TRIM56: variants seen among roughly 807,000 people sequenced by gnomAD.
The protein encoded by TRIM56 is E3 ubiquitin-protein ligase TRIM56.
A neutral mutation model predicts 17.1 loss-of-function variants in TRIM56; 10 were observed. The observed-to-expected ratio is 0.58, with a 90% confidence interval of 0.36 to 0.99. The LOEUF (loss-of-function observed/expected upper bound fraction) is 0.99, where lower values mean the gene tolerates loss of function less well. Among genes scored for constraint, TRIM56 ranks in the 50% least tolerant of loss-of-function variants. TRIM56 has a pLI of 0.01. For missense variants in TRIM56, 923 were observed against 1,052.3 expected, an observed-to-expected ratio of 0.88 and a Z score of 1.70; for synonymous variants, 503 against 473.5, an observed-to-expected ratio of 1.06 and a Z score of -0.81.
At position 101,091,780 on chromosome 7, in the gene TRIM56, C is replaced by A; in HGVS notation, c.*2200C>A. ...AACCAAGGTCCCTCTCCCTCTCCCT[C>A]TCCCCACGGTCTCCCTCTGCCTCTC... On this transcript the variant is annotated 3_prime_UTR_variant, in exon 3 of 3. Coordinates refer to ENST00000306085, the MANE Select transcript of TRIM56 (RefSeq NM_030961.3). 1 of 446,378 alleles carries A rather than the reference C, an allele frequency of 2.2e-6. No homozygotes were observed. The highest frequency in any genetic ancestry group is 4.5e-6 in the Non-Finnish European group (1 of 224,664). 27.7% of individuals were successfully genotyped at this position (446,378 alleles called of 1,614,324 possible). A position where few individuals can be genotyped will look rare whatever the true frequency, so the allele number is the denominator to read the frequency against.
At position 101,088,335 on chromosome 7, in the gene TRIM56, A is replaced by C. The variant is rs1795492175; in HGVS notation, c.1023A>C (p.Ala341=). Residue 341 remains alanine, a synonymous_variant, in exon 3 of 3, where the codon GCA becomes GCC. Transcript: ENST00000306085. ...GGCAGCTGCAGGGCTGCCCCTGGGC[A>C]CCAGGCCCGGCCCCCTGCCTGCTCC... ...RLRQLQGCPW[A]PGPAPCLLPQ... The C allele has an allele frequency of 6.5e-7, 1 of 1,530,416 alleles. No individual in the cohort carries two copies. Among genetic ancestry groups the C allele is most frequent in the South Asian group, 1.3e-5 (1 of 77,884 alleles). 94.8% of individuals were successfully genotyped at this position (1,530,416 alleles called of 1,614,324 possible).
rs533544220 is a variant in TRIM56, at chr7:101,090,393, G to A, written c.*813G>A. The A allele has an allele frequency of 3.0e-5, 5 of 164,526 alleles. No individual in the cohort carries two copies. In the Admixed American group the frequency reaches 3.3e-4, roughly 11 times the overall value. The allele number at this position is 164,526 out of a possible 1,614,324, so 10.2% of individuals were successfully genotyped here. On this transcript the variant is annotated 3_prime_UTR_variant, in exon 3 of 3. Transcript: ENST00000306085. ...TAATCCCGGCACTTTGGGAGTCTGT[G>A]GCAGGAGGATTGCTTGAGGCCAGGA... is the stretch of plus-strand genomic sequence containing the variant.
At position 101,093,495 on chromosome 7, in the gene TRIM56, G is replaced by C. The variant is rs1271843766; in HGVS notation, c.*3915G>C. ...CTGTACCCTGGAGGAAATGTATGCA[G>C]GCAAGGACTAGTAAAATAAAAAATA... On this transcript the variant is annotated 3_prime_UTR_variant, in exon 3 of 3. Transcript: ENST00000306085. The C allele has an allele frequency of 6.6e-6, 1 of 150,652 alleles. No individual in the cohort carries two copies. Among genetic ancestry groups the C allele is most frequent in the Admixed American group, 6.6e-5 (1 of 15,110 alleles). 9.3% of individuals were successfully genotyped at this position (150,652 alleles called of 1,614,324 possible).
At chr7:101,086,382 C>T (rs940995525) in intron 1 of TRIM56, among the ~76,000 whole-genome samples, 3 of 151,954 alleles carry the variant, frequency 2.0e-5, no homozygotes, top group African/African-American at 4.8e-5. Context: ...CCAATAGGGC[C>T]AAACTCCATT....
In TRIM56 at chr7:101,088,954, G is replaced by A; in HGVS notation, c.1642G>A (p.Glu548Lys). The change falls in exon 3 of 3, where the codon GAG becomes AAG. Residue 548 changes from glutamate to lysine, a missense_variant. Glu to Lys is a moderately conservative substitution (Grantham distance 56). Transcript: ENST00000306085. ...CTACAAGGGCACCGTGCCGGTCCCTGAGGGCTGCTCCCCTTGCAGCGTGGC... is the reference window on the plus strand; with the variant it reads ...CTACAAGGGCACCGTGCCGGTCCCTAAGGGCTGCTCCCCTTGCAGCGTGGC... ...GDYKGTVPVP[E>K]GCSPCSVAAL... The A allele has an allele frequency of 5.6e-6, 9 of 1,613,182 alleles. No homozygotes were observed. Among genetic ancestry groups the A allele is most frequent in the Non-Finnish European group, 6.8e-6 (8 of 1,180,014 alleles).
In TRIM56 at chr7:101,094,751, A is replaced by G. The variant is rs1241310555; in HGVS notation, c.*5171A>G. 1 of 146,038 alleles carries G rather than the reference A, an allele frequency of 6.8e-6. No individual in the cohort carries two copies. The highest frequency in any genetic ancestry group is 1.5e-5 in the Non-Finnish European group (1 of 67,204). 9.0% of individuals were successfully genotyped at this position (146,038 alleles called of 1,614,324 possible). A position where few individuals can be genotyped will look rare whatever the true frequency, so the allele number is the denominator to read the frequency against. ...GAAGTTTTGTTGAGTTCACCAAATA[A>G]CTCAGACCAACTGGAAACCAAGTGG... On this transcript the variant is annotated 3_prime_UTR_variant, in exon 3 of 3. Transcript: ENST00000306085.
rs1173070263 is a variant in TRIM56, at chr7:101,093,071, C to CA, written c.*3491_*3492insA. 2.8e-5 allele frequency: 5 copies of CA among 181,138 alleles called. No individual in the cohort carries two copies. The highest frequency in any genetic ancestry group is 5.6e-5 in the Non-Finnish European group (5 of 89,782). 11.2% of individuals were successfully genotyped at this position (181,138 alleles called of 1,614,324 possible). A position where few individuals can be genotyped will look rare whatever the true frequency, so the allele number is the denominator to read the frequency against. On this transcript the variant is annotated 3_prime_UTR_variant, in exon 3 of 3. Coordinates refer to ENST00000306085, the MANE Select transcript of TRIM56 (RefSeq NM_030961.3). ...GTGCTCTCTGAAATATGTGCTGTGT[C>CA]CACTCAGGGTTAAATGGATTAAGGG...
rs779808128 is a variant in TRIM56 at position 101,087,680 on chromosome 7, G to T, written c.368G>T (p.Cys123Phe). The T allele has an allele frequency of 1.3e-6, 2 of 1,595,846 alleles. No individual in the cohort carries two copies. The highest frequency in any genetic ancestry group is 2.7e-5 in the African/African-American group (2 of 74,554). ...CCGGCCACGGCCCGGTGCCTGGACT[G>T]TGCCGATGACTTGTGCCAGGCCTGT... is the stretch of plus-strand genomic sequence containing the variant. ...GGPATARCLD[C>F]ADDLCQACAD... Residue 123 changes from cysteine to phenylalanine, a missense_variant, in exon 3 of 3, where the codon TGT becomes TTT. By Grantham distance (205) the Cys-to-Phe change is radical (BLOSUM62 -2). This residue lies in a region of TRIM56 where 643 missense variants were observed against 665.6 expected (regional missense o/e 0.97). Coordinates refer to ENST00000306085, the MANE Select transcript of TRIM56 (RefSeq NM_030961.3).
At position 101,093,359 on chromosome 7, in the gene TRIM56, A is replaced by T. The variant is rs988434183; in HGVS notation, c.*3779A>T. 1.3e-5 allele frequency: 2 copies of T among 148,450 alleles called. No individual in the cohort carries two copies. The highest frequency in any genetic ancestry group is 4.3e-4 in the South Asian group (2 of 4,666). 9.2% of individuals were successfully genotyped at this position (148,450 alleles called of 1,614,324 possible). A position where few individuals can be genotyped will look rare whatever the true frequency, so the allele number is the denominator to read the frequency against. On this transcript the variant is annotated 3_prime_UTR_variant, in exon 3 of 3. Coordinates refer to ENST00000306085, the MANE Select transcript of TRIM56 (RefSeq NM_030961.3). ...AAAAATTAAAAAAAAAAAAAAAAAA[A>T]GAAAACCAAGAAGATGGGAAAACCA... is the stretch of plus-strand genomic sequence containing the variant.
Position 101,089,116 on chromosome 7 carries a change from C to T in TRIM56, c.1804C>T (p.Arg602Cys), listed in dbSNP as rs201997747. The T allele has an allele frequency of 2.0e-5, 32 of 1,605,048 alleles. No individual in the cohort carries two copies. Among genetic ancestry groups the T allele is most frequent in the Non-Finnish European group, 2.2e-5 (26 of 1,177,910 alleles). ...HAVAALPSGD[R>C]VAVSVAGHVE... Reference sequence around the variant, plus strand: ...GGTGGCGGCACTGCCTAGCGGGGACCGCGTGGCTGTCAGCGTGGCGGGCCA... The same window carrying T: ...GGTGGCGGCACTGCCTAGCGGGGACTGCGTGGCTGTCAGCGTGGCGGGCCA... The change falls in exon 3 of 3, where the codon CGC becomes TGC. Residue 602 changes from arginine to cysteine, a missense_variant. By Grantham distance (180) the Arg-to-Cys change is radical. Coordinates refer to ENST00000306085, the MANE Select transcript of TRIM56 (RefSeq NM_030961.3).
In TRIM56 at chr7:101,088,851, C is replaced by T. The variant is rs199673814; in HGVS notation, c.1539C>T (p.Leu513=). 1.1e-5 allele frequency: 18 copies of T among 1,613,884 alleles called. No individual in the cohort carries two copies. The South Asian group carries it at 2.0e-4, about 18-fold the overall frequency. The change falls in exon 3 of 3, where the codon CTC becomes CTT. Residue 513 remains leucine, a synonymous_variant. Transcript: ENST00000306085. The part of the protein sequence containing the change: ...GDKRSPRITG[L]CPFGPREILV... ...AGCGGTCCCCCCGGATCACCGGGCTCTGTCCCTTCGGTCCCCGGGAGATCC... is the reference window on the plus strand; with the variant it reads ...AGCGGTCCCCCCGGATCACCGGGCTTTGTCCCTTCGGTCCCCGGGAGATCC...
In TRIM56 at chr7:101,088,145, G is replaced by T. The variant is rs1245705340; in HGVS notation, c.833G>T (p.Arg278Leu). The change falls in exon 3 of 3, where the codon CGA becomes CTA. Residue 278 changes from arginine (R) to leucine (L), a missense_variant. By Grantham distance (102) the Arg-to-Leu change is moderately radical (BLOSUM62 -2). Coordinates refer to ENST00000306085, the MANE Select transcript of TRIM56 (RefSeq NM_030961.3). Reference protein sequence around the residue: ...AQKQEVLGQLRAHVEAAEEAA... With the variant: ...AQKQEVLGQLLAHVEAAEEAA... ...AAGCAGGAGGTGCTGGGGCAGCTACGAGCCCACGTGGAGGCTGCCGAAGAA... is the reference window on the plus strand; with the variant it reads ...AAGCAGGAGGTGCTGGGGCAGCTACTAGCCCACGTGGAGGCTGCCGAAGAA... 2 of 1,499,506 alleles carry T rather than the reference G, an allele frequency of 1.3e-6. No individual in the cohort carries two copies. The highest frequency in any genetic ancestry group is 2.5e-5 in the South Asian group (2 of 79,098). 92.9% of individuals were successfully genotyped at this position (1,499,506 alleles called of 1,614,324 possible).
chr7:101,095,892 A>G lies in TRIM56; in HGVS notation c.*6312A>G, dbSNP rs1209360834. On this transcript the variant is annotated 3_prime_UTR_variant, in exon 3 of 3. Coordinates refer to ENST00000306085, the MANE Select transcript of TRIM56 (RefSeq NM_030961.3). ...TGCTCAGGACTAAGGCAGAGTTCCC[A>G]GTTATATCGCAGATACAAAGAGACC... 1 of 152,192 alleles carries G rather than the reference A, an allele frequency of 6.6e-6. No individual in the cohort carries two copies. Among genetic ancestry groups the G allele is most frequent in the Non-Finnish European group, 1.5e-5 (1 of 68,054 alleles). 9.4% of individuals were successfully genotyped at this position (152,192 alleles called of 1,614,324 possible).
rs1795655760 is a variant in TRIM56, at chr7:101,096,508, T to G, written c.*6928T>G. On this transcript the variant is annotated 3_prime_UTR_variant, in exon 3 of 3. Transcript: ENST00000306085. The stretch of plus-strand genomic sequence containing the variant: ...GTGATCTTGGTCTAGTGCCTTAACC[T>G]CTCTGAGCCTCAGTTTGTACATCAG... 2.0e-5 allele frequency: 3 copies of G among 152,172 alleles called. No individual in the cohort carries two copies. The highest frequency in any genetic ancestry group is 7.2e-5 in the African/African-American group (3 of 41,422). 9.4% of individuals were successfully genotyped at this position (152,172 alleles called of 1,614,324 possible).
rs763257266 is a variant in TRIM56 at position 101,096,877 on chromosome 7, A to G, written c.*7297A>G. 27 of 152,238 alleles carry G rather than the reference A, an allele frequency of 1.8e-4. 1 individual carries two copies. The highest frequency in any genetic ancestry group is 1.2e-3 in the Admixed American group (18 of 15,282). The allele number at this position is 152,238 out of a possible 1,614,324, so 9.4% of individuals were successfully genotyped here. A position where few individuals can be genotyped will look rare whatever the true frequency, so the allele number is the denominator to read the frequency against. On this transcript the variant is annotated 3_prime_UTR_variant, in exon 3 of 3. Transcript: ENST00000306085. ...AGTGACTTCAGGAATAGAAGGGACC[A>G]ATGGCCAGCTTGCTGAAATGTAATG...
chr7:101,092,066 A>C lies in TRIM56; in HGVS notation c.*2486A>C, dbSNP rs1402178993. On this transcript the variant is annotated 3_prime_UTR_variant, in exon 3 of 3. Transcript: ENST00000306085. ...CGGCCTCCGGAGGTGCCGGGATTGC[A>C]GACGGAGTCTCGTTCACTCGGTGCT... is the stretch of plus-strand genomic sequence containing the variant. 3.4e-6 allele frequency: 1 copy of C among 296,070 alleles called. No homozygotes were observed. The highest frequency in any genetic ancestry group is 6.5e-6 in the Non-Finnish European group (1 of 154,920). The allele number at this position is 296,070 out of a possible 1,614,324, so 18.3% of individuals were successfully genotyped here.
rs768593984 is a variant in TRIM56, at chr7:101,087,317, T to A, written c.5T>A (p.Val2Asp). The A allele has an allele frequency of 3.9e-5, 63 of 1,610,732 alleles. No individual in the cohort carries two copies. The highest frequency in any genetic ancestry group is 4.8e-5 in the Non-Finnish European group (57 of 1,178,224). MVSHGSSPSLLE... is the reference protein window; with the variant it reads MDSHGSSPSLLE... ...CCTGACGCCTCTGCCTGCAGCATGG[T>A]TTCCCACGGGTCCTCGCCCTCCCTC... The change falls in exon 3 of 3, where the codon GTT (valine) becomes GAT (aspartate). Residue 2 changes from valine (V) to aspartate (D), a missense_variant. Coordinates refer to ENST00000306085, the MANE Select transcript of TRIM56 (RefSeq NM_030961.3).
In TRIM56 at chr7:101,088,070, C is replaced by A. The variant is rs1464849709; in HGVS notation, c.758C>A (p.Thr253Asn). The change falls in exon 3 of 3, where the codon ACT becomes AAT. Residue 253 changes from threonine (T) to asparagine (N), a missense_variant. By Grantham distance (65) the Thr-to-Asn change is moderately conservative (BLOSUM62 0). Coordinates refer to ENST00000306085, the MANE Select transcript of TRIM56 (RefSeq NM_030961.3). ...CGGGAGCAGGCGGCCCGGGTGGGGACTCAGGTGGAGGAGGCGGCTGAGGGC... is the reference window on the plus strand; with the variant it reads ...CGGGAGCAGGCGGCCCGGGTGGGGAATCAGGTGGAGGAGGCGGCTGAGGGC... ...RLREQAARVGTQVEEAAEGVL... is the reference protein window; with the variant it reads ...RLREQAARVGNQVEEAAEGVL... 3 of 1,525,934 alleles carry A rather than the reference C, an allele frequency of 2.0e-6. 1 individual carries two copies. Among genetic ancestry groups the A allele is most frequent in the East Asian group, 4.9e-5 (2 of 41,110 alleles). The allele number at this position is 1,525,934 out of a possible 1,614,324, so 94.5% of individuals were successfully genotyped here. A position where few individuals can be genotyped will look rare whatever the true frequency, so the allele number is the denominator to read the frequency against.
At chr7:101,086,560 C>CAAAAAA (rs768912765) in intron 1 of TRIM56, among the ~76,000 whole-genome samples, 2 of 39,058 alleles carry the variant, frequency 5.1e-5, no homozygotes, top group African/African-American at 8.6e-5. Context: ...GACTCTGTCT[C>CAAAAAA]AAAAAAAAAA....
Sources: gnomAD v4.1 joint callset for allele counts (sites outside exome capture counted in the v4.1 genomes callset) on GRCh38, gnomAD v4.1.1 for gene constraint, gnomAD v4.1.1 regional missense constraint, MANE v1.5 for transcripts, NCBI Gene and HGNC (gene_info 2026-07-23, HGNC 2026-07-21) for gene names.